The following SLC9A9 variants were observed in gnomAD, a reference collection of about 807,000 sequenced individuals.
SLC9A9 encodes sodium/hydrogen exchanger 9.
SLC9A9 carries 62 observed loss-of-function variants against 77.8 expected under a neutral mutation model. The observed-to-expected ratio is 0.80, with a 90% CI of 0.65 to 0.98. The LOEUF (loss-of-function observed/expected upper bound fraction) is 0.98, where lower values mean the gene tolerates loss of function less well. Ranked by LOEUF, SLC9A9 falls within the 50% of genes least tolerant of loss-of-function variation. The pLI is 0.00. For synonymous variants in SLC9A9, 320 were observed against 283.5 expected, an observed-to-expected ratio of 1.13 and a Z score of -1.29; for missense variants, 775 against 774.9, an observed-to-expected ratio of 1.00 and a Z score of 0.00.
intron 12 of SLC9A9, among the ~76,000 whole-genome samples, chr3:143,425,933 C>T (rs1023442026): frequency 8.6e-5 from 13 of 151,466 alleles, no homozygotes; most frequent in African/African-American, 3.1e-4. Flanking sequence ...ATCAATCCTT[C>T]TTGACTACGC....
intron 13 of SLC9A9, among the ~76,000 whole-genome samples, chr3:143,368,708 C>T (rs564066595): frequency 1.3e-5 from 2 of 152,252 alleles, no homozygotes; most frequent in South Asian, 2.1e-4. Context: ...GCTATCAATA[C>T]GTTTGCCCTA....
At chr3:143,313,088 T>C (rs1004847411) in intron 14 of SLC9A9, 1 of 152,222 alleles carries the variant, frequency 6.6e-6, no homozygotes, top group African/African-American at 2.4e-5. Flanking sequence ...AATTTATCTT[T>C]ACTGTGGAAA....
intron 2 of SLC9A9, among the ~76,000 whole-genome samples, chr3:143,817,879 A>G (rs1421381580): frequency 6.6e-6 from 1 of 152,212 alleles, no homozygotes; most frequent in Non-Finnish European, 1.5e-5. Flanking sequence ...AGCATTATTT[A>G]TATTAGTGAA....
intron 13 of SLC9A9, among the ~76,000 whole-genome samples, chr3:143,369,262 T>A (rs1391540782): frequency 3.9e-5 from 6 of 152,222 alleles, no homozygotes; most frequent in Admixed American, 1.3e-4. Context: ...TGTATATCTA[T>A]GTATTCTTTG....
At chr3:143,594,605 T>G (rs16853906) in intron 6 of SLC9A9, among the ~76,000 whole-genome samples, 3,756 of 152,134 alleles carry the variant, frequency 0.025, 148 homozygotes, top group African/African-American at 0.085. Context: ...TGTTGGGAAG[T>G]TTGTGCATCA....
At chr3:143,745,342 G>A (rs1455850850) in intron 4 of SLC9A9, among the ~76,000 whole-genome samples, 2 of 152,200 alleles carry the variant, frequency 1.3e-5, no homozygotes, top group Non-Finnish European at 2.9e-5. Flanking sequence ...TCCAGAGAAA[G>A]AAGGAAGAGA....
intron 12 of SLC9A9, among the ~76,000 whole-genome samples, chr3:143,383,907 C>T (rs572664460): frequency 3.9e-5 from 6 of 152,168 alleles, no homozygotes; most frequent in Admixed American, 6.5e-5. Flanking sequence ...AGAACAGTAA[C>T]GGTAAAGTCC....
At chr3:143,815,666 C>A (rs2008992436) in intron 2 of SLC9A9, among the ~76,000 whole-genome samples, 1 of 151,930 alleles carries the variant, frequency 6.6e-6, no homozygotes, top group Non-Finnish European at 1.5e-5. Flanking sequence ...GAGATGGAGA[C>A]CATCCTGGCC....
chr3:143,670,146 T>G (rs941343887), intron 5 of SLC9A9, among the ~76,000 whole-genome samples: 2 of 152,236 alleles, frequency 1.3e-5, no homozygotes, highest in Non-Finnish European at 2.9e-5. Context: ...GTCCATTTAC[T>G]TTGTCTTTCT....
At chr3:143,470,530 T>C (rs2035360923) in intron 11 of SLC9A9, among the ~76,000 whole-genome samples, 1 of 151,856 alleles carries the variant, frequency 6.6e-6, no homozygotes, top group African/African-American at 2.4e-5. Context: ...AAATTTCTCC[T>C]TTCCTCAAGC....
intron 6 of SLC9A9, among the ~76,000 whole-genome samples, chr3:143,581,633 T>C (rs1413425980): frequency 6.6e-6 from 1 of 152,174 alleles, no homozygotes; most frequent in Admixed American, 6.5e-5. Context: ...ACAATGTAGA[T>C]TTCTTGTTTC....
At chr3:143,413,645 T>A (rs1220428841) in intron 12 of SLC9A9, among the ~76,000 whole-genome samples, 1 of 152,188 alleles carries the variant, frequency 6.6e-6, no homozygotes, top group Admixed American at 6.5e-5. Flanking sequence ...GGCTGTCAGC[T>A]CTGTCCTTGA....
At chr3:143,430,899 C>T (rs2034501843) in intron 12 of SLC9A9, among the ~76,000 whole-genome samples, 1 of 152,166 alleles carries the variant, frequency 6.6e-6, no homozygotes, top group Non-Finnish European at 1.5e-5. Flanking sequence ...CTGCTCTCTT[C>T]CTTTTTCCTT....
chr3:143,421,360 G>A (rs2034293445), intron 12 of SLC9A9, among the ~76,000 whole-genome samples: 1 of 152,070 alleles, frequency 6.6e-6, no homozygotes, highest in African/African-American at 2.4e-5. Flanking sequence ...TGTCTCACAT[G>A]AAACTATAAG....
intron 4 of SLC9A9, among the ~76,000 whole-genome samples, chr3:143,770,412 C>T (rs1255327523): frequency 1.3e-5 from 2 of 152,124 alleles, no homozygotes; most frequent in Admixed American, 6.5e-5. Context: ...AGATGGTATA[C>T]AGCAGAGATG....
chr3:143,763,386 T>C (rs932972346), intron 4 of SLC9A9, among the ~76,000 whole-genome samples: 1 of 152,176 alleles, frequency 6.6e-6, no homozygotes, highest in Non-Finnish European at 1.5e-5. Context: ...GAATTTTGAG[T>C]TGACAGAATC....
chr3:143,387,784 T>TAAAA (rs34211120), intron 12 of SLC9A9, among the ~76,000 whole-genome samples: 84 of 147,276 alleles, frequency 5.7e-4, no homozygotes, highest in Admixed American at 3.6e-3. Flanking sequence ...CAACCATAGT[T>TAAAA]AAAAAAAAAA....
intron 6 of SLC9A9, among the ~76,000 whole-genome samples, chr3:143,636,825 A>T (rs1033579333): frequency 6.6e-6 from 1 of 152,086 alleles, no homozygotes; most frequent in Non-Finnish European, 1.5e-5. Flanking sequence ...CACTACTAAA[A>T]CCTACAAACA....
chr3:143,276,740 A>G (rs1227831892), intron 14 of SLC9A9, among the ~76,000 whole-genome samples: 2 of 152,034 alleles, frequency 1.3e-5, no homozygotes. Flanking sequence ...ATCTGAAACC[A>G]TGGTTCTTAA....
Sources: gnomAD v4.1 joint callset for allele counts (sites outside exome capture counted in the v4.1 genomes callset) on GRCh38, gnomAD v4.1.1 for gene constraint, MANE v1.5 for transcripts, NCBI Gene and HGNC (gene_info 2026-07-23, HGNC 2026-07-21) for gene names.